SERINC5: variants seen among roughly 807,000 people sequenced by gnomAD.
SERINC5 encodes serine incorporator 5.
In SERINC5, 41 loss-of-function variants were observed where a neutral mutation model predicts 63.1. That is an observed-to-expected ratio of 0.65 (90% CI 0.51 to 0.84). The LOEUF (loss-of-function observed/expected upper bound fraction) is 0.84. SERINC5 is among the 40% of genes least tolerant of loss of function. The probability of loss-of-function intolerance (pLI) is 0.00; values close to 1 mark genes in which losing one functional copy is unlikely to be tolerated. For synonymous variants in SERINC5, 222 were observed against 215.2 expected (o/e 1.03, Z -0.28); for missense variants, 523 against 573.0 (o/e 0.91, Z 0.89).
intron 1 of SERINC5, among the ~76,000 whole-genome samples, chr5:80,219,394 T>A (rs1439529567): frequency 6.6e-6 from 1 of 152,228 alleles, no homozygotes; most frequent in Non-Finnish European, 1.5e-5. Flanking sequence ...TCAGGAAACC[T>A]TCTTTCCAGC....
In SERINC5 at chr5:80,200,974, C is replaced by T. The variant is rs1281623238; in HGVS notation, c.195+1912G>A. ...TTTAGCCAGGCATGGTGGCACGCGC[C>T]TGTAATCCCAACTACTCGGGAGGCT... is the stretch of plus-strand genomic sequence containing the variant. On this transcript the variant is annotated intron_variant, in intron 2 of 11. Transcript: ENST00000507668. 2.0e-5 allele frequency among the ~76,000 whole-genome samples: 3 copies of T among 151,960 alleles called. No individual in the cohort carries two copies. In the East Asian group the frequency reaches 5.8e-4, roughly 29 times the overall value.
At chr5:80,218,063 G>A (rs539185432) in intron 1 of SERINC5, among the ~76,000 whole-genome samples, 29 of 152,302 alleles carry the variant, frequency 1.9e-4, no homozygotes, top group African/African-American at 6.5e-4. Context: ...GGAAGTCATC[G>A]TTAGTAGCTT....
At chr5:80,117,585 C>T (rs1340728122) in intron 11 of SERINC5, among the ~76,000 whole-genome samples, 3 of 148,022 alleles carry the variant, frequency 2.0e-5, no homozygotes, top group Non-Finnish European at 3.0e-5. Flanking sequence ...TTATATGCTG[C>T]CTTGTGGTTT....
chr5:80,123,354 A>G (rs1282901150), intron 11 of SERINC5, among the ~76,000 whole-genome samples: 4 of 152,194 alleles, frequency 2.6e-5, no homozygotes, highest in Non-Finnish European at 4.4e-5. Flanking sequence ...AGATCCTTCT[A>G]TCTCAGCTGG....
intron 1 of SERINC5, among the ~76,000 whole-genome samples, chr5:80,220,341 T>C (rs1447070141): frequency 6.6e-6 from 1 of 152,152 alleles, no homozygotes; most frequent in Non-Finnish European, 1.5e-5. Context: ...TTGTGAAGAC[T>C]AGCACTCCGG....
chr5:80,219,308 C>T (rs905288156), intron 1 of SERINC5, among the ~76,000 whole-genome samples: 10 of 152,168 alleles, frequency 6.6e-5, no homozygotes, highest in African/African-American at 2.4e-4. Context: ...CTTGGAGTAA[C>T]AGCTGCACTG....
intron 12 of SERINC5, among the ~76,000 whole-genome samples, chr5:80,113,103 T>C (rs932390554): frequency 2.6e-5 from 4 of 152,246 alleles, no homozygotes; most frequent in Non-Finnish European, 4.4e-5. Flanking sequence ...ATTCTGGCCA[T>C]GTTTTTATTG....
chr5:80,155,857 G>A (rs1009895558), intron 8 of SERINC5, among the ~76,000 whole-genome samples: 1 of 152,170 alleles, frequency 6.6e-6, no homozygotes, highest in African/African-American at 2.4e-5. Context: ...ATTCCTGGGT[G>A]CAATGGAAGG....
intron 4 of SERINC5, among the ~76,000 whole-genome samples, chr5:80,175,656 G>T (rs1747978662): frequency 6.6e-6 from 1 of 151,402 alleles, no homozygotes; most frequent in Admixed American, 6.6e-5. Context: ...ATCACTTGAG[G>T]TCAGGAGTCG....
chr5:80,114,012 T>A (rs1306304554), intron 11 of SERINC5, among the ~76,000 whole-genome samples: 3 of 151,988 alleles, frequency 2.0e-5, no homozygotes, highest in Non-Finnish European at 4.4e-5. Flanking sequence ...TAACCCGATG[T>A]TCCCAGGATC....
rs915947545 is a variant in SERINC5, at chr5:80,222,431, A to G, written c.28-19378T>C. On this transcript the variant is annotated intron_variant, in intron 1 of 11. Coordinates refer to ENST00000507668, the MANE Select transcript of SERINC5 (RefSeq NM_001174072.3). ...TACAAGGAGACTCGAGAAATGTGAT[A>G]TGGTGGCCTCTGAAACAGAGATTTA... Among the ~76,000 whole-genome samples the G allele has an allele frequency of 5.3e-5, 8 of 152,132 alleles. No individual in the cohort carries two copies. In the East Asian group the frequency reaches 1.5e-3, roughly 29 times the overall value.
intron 11 of SERINC5, among the ~76,000 whole-genome samples, chr5:80,131,528 A>G (rs1289690942): frequency 6.7e-6 from 1 of 148,950 alleles, no homozygotes; most frequent in East Asian, 2.0e-4. Flanking sequence ...CCTGCGGGGG[A>G]GAGGGGGAAG....
At position 80,139,960 on chromosome 5, in the gene SERINC5, C is replaced by T; in HGVS notation, c.*3703G>A. On this transcript the variant is annotated 3_prime_UTR_variant, in exon 12 of 12. Coordinates refer to ENST00000507668, the MANE Select transcript of SERINC5 (RefSeq NM_001174072.3). ...TGTAAAAGCCTAGGTAGCTTAAATA[C>T]AGGCTCTGGAATTTCCTTCGCAGGA... is the stretch of plus-strand genomic sequence containing the variant. 2.0e-6 allele frequency: 2 copies of T among 985,340 alleles called. No individual in the cohort carries two copies. Among genetic ancestry groups the T allele is most frequent in the Non-Finnish European group, 2.4e-6 (2 of 829,884 alleles). 61.0% of individuals were successfully genotyped at this position (985,340 alleles called of 1,614,324 possible).
intron 2 of SERINC5, among the ~76,000 whole-genome samples, chr5:80,195,084 C>G (rs1010119721): frequency 1.3e-5 from 2 of 151,998 alleles, no homozygotes; most frequent in Non-Finnish European, 2.9e-5. Context: ...GTCAGGAGTT[C>G]GAGACCAGCC....
chr5:80,113,617 A>G, exon 12 of SERINC5: 1 of 295,096 alleles, frequency 3.4e-6, no homozygotes, highest in South Asian at 3.1e-5. Flanking sequence ...CAGGAGGTGA[A>G]AGGCACTTCT....
chr5:80,230,459 A>AAAAAAAG (rs70982042), intron 1 of SERINC5, among the ~76,000 whole-genome samples: 3,050 of 128,534 alleles, frequency 0.024, 214 homozygotes, highest in African/African-American at 0.078. Context: ...AAAAAAAAAA[A>AAAAAAAG]AAAGAAACCA....
intron 1 of SERINC5, among the ~76,000 whole-genome samples, chr5:80,243,748 T>TA (rs1241045133): frequency 1.6e-5 from 2 of 126,842 alleles, no homozygotes; most frequent in Non-Finnish European, 3.7e-5. Flanking sequence ...TCTATTTAAA[T>TA]AAATAAATAA....
chr5:80,223,338 A>T (rs1751004331), intron 1 of SERINC5, among the ~76,000 whole-genome samples: 1 of 152,144 alleles, frequency 6.6e-6, no homozygotes, highest in South Asian at 2.1e-4. Context: ...ATATACTTTA[A>T]ATTATCTCTA....
At chr5:80,155,729 G>C (rs1746481944) in intron 8 of SERINC5, among the ~76,000 whole-genome samples, 1 of 152,042 alleles carries the variant, frequency 6.6e-6, no homozygotes, top group South Asian at 2.1e-4. Context: ...GTGAGAACTT[G>C]CCTTAAAACA....
Sources: gnomAD v4.1 joint callset for allele counts (sites outside exome capture counted in the v4.1 genomes callset) on GRCh38, gnomAD v4.1.1 for gene constraint, MANE v1.5 for transcripts, NCBI Gene and HGNC (gene_info 2026-07-23, HGNC 2026-07-21) for gene names.